The following CYGB variants were observed in gnomAD, a reference collection of about 807,000 sequenced individuals.
CYGB encodes the protein histoglobin.
In CYGB, 13 loss-of-function variants were observed where a neutral mutation model predicts 20.7. That is an observed-to-expected ratio of 0.63 (90% CI 0.41 to 1.00). CYGB has a LOEUF of 1.00. Among genes scored for constraint, CYGB ranks in the 50% least tolerant of loss-of-function variants. The pLI is 0.00. For missense variants in CYGB, 218 were observed against 257.2 expected, an observed-to-expected ratio of 0.85 and a Z score of 1.04; for synonymous variants, 93 against 107.4, an observed-to-expected ratio of 0.87 and a Z score of 0.83.
At chr17:76,532,011 C>T (rs751102157) in intron 1 of CYGB, 5 of 246,900 alleles carry the variant, frequency 2.0e-5, no homozygotes, top group Non-Finnish European at 4.0e-5. Flanking sequence ...TAGTCATAGC[C>T]GAGAGGGTAA....
At chr17:76,542,994 G>C in intron 1 of CYGB, 1 of 487,874 alleles carries the variant, frequency 2.0e-6, no homozygotes, top group Non-Finnish European at 4.2e-6. Flanking sequence ...CCAGGTGTGG[G>C]AGAAGTGCTG....
intron 1 of CYGB, among the ~76,000 whole-genome samples, chr17:76,549,371 T>C (rs2075085818): frequency 6.6e-6 from 1 of 152,224 alleles, no homozygotes. Context: ...CTCACGCCTG[T>C]AATACCAGCA....
chr17:76,532,535 T>TC (rs200575683), intron 1 of CYGB, among the ~76,000 whole-genome samples: 1,581 of 149,606 alleles, frequency 0.011, 25 homozygotes, highest in African/African-American at 0.036. Flanking sequence ...AATGGCTTTT[T>TC]TTTTTTTTTT....
upstream of CYGB, among the ~76,000 whole-genome samples, chr17:76,542,088 C>T (rs2074998441): frequency 6.6e-6 from 1 of 152,150 alleles, no homozygotes; most frequent in Non-Finnish European, 1.5e-5. Context: ...AACTGAGGGA[C>T]AGGGAGATTT....
chr17:76,537,618 G>A lies in CYGB; in HGVS notation c.-76C>T, dbSNP rs1453597182. ...CGCGGGGCGCGGGGCGCGGGGCGCCGGGAGCCGGGGCCGGCTGCGTGCGCG... is the reference window on the plus strand; with the variant it reads ...CGCGGGGCGCGGGGCGCGGGGCGCCAGGAGCCGGGGCCGGCTGCGTGCGCG... On this transcript the variant is annotated 5_prime_UTR_variant, in exon 1 of 4. Coordinates refer to ENST00000293230, the MANE Select transcript of CYGB (RefSeq NM_134268.5). 5.0e-6 allele frequency: 5 copies of A among 993,406 alleles called. No individual in the cohort carries two copies. In the East Asian group the frequency reaches 4.1e-4, roughly 82 times the overall value. The allele number at this position is 993,406 out of a possible 1,614,324, so 61.5% of individuals were successfully genotyped here.
In CYGB at chr17:76,546,625, G is replaced by A. The variant is rs2075056492; in HGVS notation, c.-53+4237C>T. Reference sequence around the variant, plus strand: ...TAGCCTCTCTGTGGGGGGCCTCACTGTTAGGAAGAAGCCCAAGACCTAGAG... The same window carrying A: ...TAGCCTCTCTGTGGGGGGCCTCACTATTAGGAAGAAGCCCAAGACCTAGAG... On this transcript the variant is annotated intron_variant, in intron 1 of 3. Transcript: ENST00000589145. The surrounding 1 kb of genome is among the most constrained non-coding windows in gnomAD (Gnocchi z 4.5). 1 of 152,192 alleles carries A rather than the reference G, an allele frequency of 6.6e-6. No individual in the cohort carries two copies. The highest frequency in any genetic ancestry group is 1.5e-5 in the Non-Finnish European group (1 of 68,026). 9.4% of individuals were successfully genotyped at this position (152,192 alleles called of 1,614,324 possible). A position where few individuals can be genotyped will look rare whatever the true frequency, so the allele number is the denominator to read the frequency against.
intron 3 of CYGB, chr17:76,529,546 T>C (rs906272986): frequency 1.6e-4 from 156 of 985,108 alleles, no homozygotes; most frequent in Non-Finnish European, 1.8e-4. Flanking sequence ...CCAGTCTCTC[T>C]TGGCCCTTGT....
chr17:76,548,685 G>A (rs1219163634), intron 1 of CYGB, among the ~76,000 whole-genome samples: 1 of 152,266 alleles, frequency 6.6e-6, no homozygotes, highest in African/African-American at 2.4e-5. Context: ...GGATGGACCA[G>A]AAGCTCTCTG....
At chr17:76,543,020 C>G (rs1355047754) in intron 1 of CYGB, 1 of 475,882 alleles carries the variant, frequency 2.1e-6, no homozygotes, top group East Asian at 6.8e-5. Context: ...CTCTGGTTTT[C>G]TGTTTCAGCT....
upstream of CYGB, among the ~76,000 whole-genome samples, chr17:76,539,399 C>T (rs551233681): frequency 7.9e-5 from 12 of 152,316 alleles, no homozygotes; most frequent in Non-Finnish European, 1.0e-4. Context: ...TTGTAAGTGG[C>T]TGCACCTGTC....
In CYGB at chr17:76,548,023, CACAG is replaced by C. The variant is rs544230043; in HGVS notation, c.-53+2835_-53+2838del. Among the ~76,000 whole-genome samples, 6 of 151,964 alleles carry C rather than the reference CACAG, an allele frequency of 3.9e-5. No homozygotes were observed. The East Asian group carries it at 9.6e-4, about 24-fold the overall frequency. On this transcript the variant is annotated intron_variant, in intron 1 of 3. Transcript: ENST00000589145. ...ACACATTCACACATACACATGCATA[CACAG>C]ACATACACATATACGAACATTCACA...
intron 1 of CYGB, among the ~76,000 whole-genome samples, chr17:76,534,394 G>A (rs2074891133): frequency 6.6e-6 from 1 of 152,160 alleles, no homozygotes; most frequent in Admixed American, 6.5e-5. Flanking sequence ...GGCCAGGCTG[G>A]TGTCGAACTC....
chr17:76,542,591 G>A, upstream of CYGB: 1 of 1,614,100 alleles, frequency 6.2e-7, no homozygotes, highest in East Asian at 2.2e-5. Flanking sequence ...ACCTCTGCAG[G>A]TGGGGCTCAG....
chr17:76,544,270 G>A (rs889380415), intron 1 of CYGB: 4 of 454,412 alleles, frequency 8.8e-6, no homozygotes, highest in African/African-American at 2.0e-5. Flanking sequence ...GTCTCTGCCT[G>A]GCTGGCCCGT....
upstream of CYGB, chr17:76,540,718 C>G: frequency 1.2e-6 from 1 of 800,284 alleles, no homozygotes; most frequent in Non-Finnish European, 2.1e-6. The surrounding 1 kb of genome is among the most constrained non-coding windows in gnomAD (Gnocchi z 5.0). Context: ...GCTCCCTGTC[C>G]GCCTGCTGGG....
chr17:76,534,327 C>T (rs749673658), intron 1 of CYGB, among the ~76,000 whole-genome samples: 4 of 151,984 alleles, frequency 2.6e-5, no homozygotes, highest in Non-Finnish European at 2.9e-5. Context: ...TACAGGTGCC[C>T]GCCACCACAC....
chr17:76,531,216 C>G lies in CYGB; in HGVS notation c.376-74G>C. The G allele has an allele frequency of 6.8e-7, 1 of 1,463,478 alleles. No homozygotes were observed. The highest frequency in any genetic ancestry group is 2.3e-5 in the East Asian group (1 of 43,158). The allele number at this position is 1,463,478 out of a possible 1,614,324, so 90.7% of individuals were successfully genotyped here. A position where few individuals can be genotyped will look rare whatever the true frequency, so the allele number is the denominator to read the frequency against. Reference sequence around the variant, plus strand: ...CCTGCAACCCCCAGGCCCCTCCGCCCCACGTGTGGCCGAGAGGATCATTCC... The same window carrying G: ...CCTGCAACCCCCAGGCCCCTCCGCCGCACGTGTGGCCGAGAGGATCATTCC... On this transcript the variant is annotated intron_variant, in intron 2 of 3. Transcript: ENST00000293230. The surrounding 1 kb of genome is among the most constrained non-coding windows in gnomAD (Gnocchi z 7.4).
At chr17:76,538,462 CG>C (rs1567909921), upstream of CYGB, 5 of 465,336 alleles carry the variant, frequency 1.1e-5, no homozygotes, top group Admixed American at 9.5e-5. Flanking sequence ...ACGAACGCGG[CG>C]GCGGCGGCCA....
intron 1 of CYGB, chr17:76,544,326 G>A (rs1418086082): frequency 2.2e-6 from 1 of 454,364 alleles, no homozygotes; most frequent in Non-Finnish European, 4.4e-6. Flanking sequence ...CTAGACAGCA[G>A]CACTTCAGCC....
Sources: gnomAD v4.1 joint callset for allele counts (sites outside exome capture counted in the v4.1 genomes callset) on GRCh38, gnomAD v4.1.1 for gene constraint, Gnocchi (gnomAD v3.1) non-coding constraint, MANE v1.5 for transcripts, NCBI Gene and HGNC (gene_info 2026-07-23, HGNC 2026-07-21) for gene names.